Variants in ANKRD29 observed in about 807,000 individuals in gnomAD.
ANKRD29 encodes ankyrin repeat domain 29.
ANKRD29 carries 32 observed loss-of-function variants against 38.0 expected under a neutral mutation model. The ratio of observed to expected loss-of-function variants is 0.84; its 90% confidence interval spans 0.64 to 1.13. ANKRD29 has a LOEUF of 1.13. ANKRD29 is among the 50% of genes most tolerant of loss of function. The pLI is 0.00. For missense variants in ANKRD29, 357 were observed against 377.9 expected (o/e 0.94, Z 0.46); for synonymous variants, 135 against 152.4 (o/e 0.89, Z 0.84).
At chr18:23,650,133 T>C (rs1310549127) in intron 1 of ANKRD29, among the ~76,000 whole-genome samples, 1 of 151,944 alleles carries the variant, frequency 6.6e-6, no homozygotes, top group Non-Finnish European at 1.5e-5. Flanking sequence ...TATGGATCCT[T>C]CATTCCACTG....
intron 5 of ANKRD29, among the ~76,000 whole-genome samples, chr18:23,633,126 G>C (rs2059954961): frequency 6.6e-6 from 1 of 152,156 alleles, no homozygotes; most frequent in Non-Finnish European, 1.5e-5. Flanking sequence ...TTACAAAACT[G>C]GAGTAATGTT....
intron 1 of ANKRD29, among the ~76,000 whole-genome samples, chr18:23,656,192 G>T (rs1049453377): frequency 1.3e-5 from 2 of 151,906 alleles, no homozygotes; most frequent in African/African-American, 4.8e-5. Flanking sequence ...TTTGCTGGAG[G>T]CAAAGTGGTA....
rs1404145472 is a variant in ANKRD29, at chr18:23,649,463, G to C, written c.22-270C>G. On this transcript the variant is annotated intron_variant, in intron 1 of 9. Transcript: ENST00000592179. The stretch of plus-strand genomic sequence containing the variant: ...TTCCCACTAATGTTCTCACTTTCCT[G>C]CCTCTGTTGTGTTTTTGTTCACCCA... 4.5e-6 allele frequency: 3 copies of C among 661,054 alleles called. No individual in the cohort carries two copies. The East Asian group carries it at 9.0e-5, about 20-fold the overall frequency. 40.9% of individuals were successfully genotyped at this position (661,054 alleles called of 1,614,324 possible). A position where few individuals can be genotyped will look rare whatever the true frequency, so the allele number is the denominator to read the frequency against.
chr18:23,648,663 T>C, intron 2 of ANKRD29: 1 of 385,726 alleles, frequency 2.6e-6, no homozygotes, highest in Admixed American at 4.5e-5. Flanking sequence ...GATAAAATCC[T>C]GGGGGAGGCT....
intron 8 of ANKRD29, among the ~76,000 whole-genome samples, chr18:23,617,488 T>C (rs1226621863): frequency 6.6e-6 from 1 of 152,126 alleles, no homozygotes; most frequent in African/African-American, 2.4e-5. Flanking sequence ...GCTATTTCAT[T>C]ACTACTGTCG....
intron 4 of ANKRD29, among the ~76,000 whole-genome samples, chr18:23,635,832 C>G (rs921652221): frequency 6.6e-6 from 1 of 152,082 alleles, no homozygotes; most frequent in Non-Finnish European, 1.5e-5. Flanking sequence ...AGGCAGGTAA[C>G]ATCCTATGGG....
chr18:23,658,300 C>A (rs766600444), intron 1 of ANKRD29, among the ~76,000 whole-genome samples: 1 of 151,994 alleles, frequency 6.6e-6, no homozygotes, highest in Non-Finnish European at 1.5e-5. Flanking sequence ...CCCAGCTACT[C>A]GGGAGACTGA....
At chr18:23,624,766 T>C (rs1355481429) in intron 6 of ANKRD29, among the ~76,000 whole-genome samples, 2 of 152,166 alleles carry the variant, frequency 1.3e-5, no homozygotes, top group Admixed American at 6.6e-5. Context: ...CTGATTATCA[T>C]AGAAAGGATT....
chr18:23,645,435 C>T (rs1198178750), intron 3 of ANKRD29, among the ~76,000 whole-genome samples: 1 of 152,088 alleles, frequency 6.6e-6, no homozygotes, highest in African/African-American at 2.4e-5. Flanking sequence ...ATTAGCTGGG[C>T]GTGGTGGCAC....
In ANKRD29 at chr18:23,602,198, G is replaced by A. The variant is rs373459797; in HGVS notation, c.823-889C>T. Among the ~76,000 whole-genome samples the A allele has an allele frequency of 1.3e-3, 195 of 152,130 alleles. 2 individuals carry two copies. Among genetic ancestry groups the A allele is most frequent in the African/African-American group, 3.6e-3 (150 of 41,522 alleles). On this transcript the variant is annotated intron_variant, in intron 9 of 9. Coordinates refer to ENST00000592179, the MANE Select transcript of ANKRD29 (RefSeq NM_173505.4). ...ACTACAGGCATGTGCCACCATGCTC[G>A]GCTGAATTTTGTATTTTTAGTAGAG...
intron 8 of ANKRD29, among the ~76,000 whole-genome samples, chr18:23,617,027 T>C (rs908466548): frequency 1.3e-5 from 2 of 152,050 alleles, no homozygotes; most frequent in African/African-American, 2.4e-5. Context: ...AAGACCAGCC[T>C]GGCCAATATG....
chr18:23,625,002 G>A (rs1042649691), intron 6 of ANKRD29, among the ~76,000 whole-genome samples: 27 of 152,196 alleles, frequency 1.8e-4, no homozygotes, highest in African/African-American at 6.5e-4. Context: ...AGTATCTGAA[G>A]CGGCACTAGC....
intron 1 of ANKRD29, among the ~76,000 whole-genome samples, chr18:23,652,159 T>C (rs1235794810): frequency 6.6e-6 from 1 of 152,152 alleles, no homozygotes; most frequent in Non-Finnish European, 1.5e-5. Flanking sequence ...TGTCACCCTA[T>C]GGCCGGCACA....
rs191592566 is a variant in ANKRD29 at position 23,601,589 on chromosome 18, T to C, written c.823-280A>G. Among the ~76,000 whole-genome samples, 15 of 152,336 alleles carry C rather than the reference T, an allele frequency of 9.8e-5. No homozygotes were observed. In the East Asian group the frequency reaches 2.1e-3, roughly 22 times the overall value. On this transcript the variant is annotated intron_variant, in intron 9 of 9. Coordinates refer to ENST00000592179, the MANE Select transcript of ANKRD29 (RefSeq NM_173505.4). ...CAGATCTAATTAATCATTGTATCCTTATCTCCAGCACAATGCCCAGCATGT... is the reference window on the plus strand; with the variant it reads ...CAGATCTAATTAATCATTGTATCCTCATCTCCAGCACAATGCCCAGCATGT...
intron 9 of ANKRD29, among the ~76,000 whole-genome samples, chr18:23,610,533 G>A (rs1328905188): frequency 2.6e-5 from 4 of 152,138 alleles, no homozygotes; most frequent in African/African-American, 7.2e-5. Flanking sequence ...GGTGGCTTAT[G>A]CCTATAATAC....
rs2060383813 is a variant in ANKRD29 at position 23,662,736 on chromosome 18, C to A, written c.-6G>T. On this transcript the variant is annotated 5_prime_UTR_variant, in exon 1 of 10. Transcript: ENST00000592179. ...TTGAAGGACATCCTGCACATGTCCGCGGCCGCCCGAGCGGGAGCCGGCGCG... is the reference window on the plus strand; with the variant it reads ...TTGAAGGACATCCTGCACATGTCCGAGGCCGCCCGAGCGGGAGCCGGCGCG... The A allele has an allele frequency of 6.8e-7, 1 of 1,465,706 alleles. No individual in the cohort carries two copies. Among genetic ancestry groups the A allele is most frequent in the South Asian group, 1.3e-5 (1 of 76,576 alleles). 90.8% of individuals were successfully genotyped at this position (1,465,706 alleles called of 1,614,324 possible).
chr18:23,612,821 A>G (rs916821456), intron 8 of ANKRD29, among the ~76,000 whole-genome samples: 4 of 152,204 alleles, frequency 2.6e-5, no homozygotes, highest in African/African-American at 9.6e-5. Context: ...TATCAAAATA[A>G]GGAACCAGCT....
chr18:23,637,996 T>TC (rs1460819401), intron 4 of ANKRD29, among the ~76,000 whole-genome samples: 1 of 135,198 alleles, frequency 7.4e-6, no homozygotes, highest in Non-Finnish European at 1.6e-5. Context: ...AATTACTTCT[T>TC]TTTTTTTTTT....
At chr18:23,615,702 G>A (rs973993770) in intron 8 of ANKRD29, among the ~76,000 whole-genome samples, 4 of 151,900 alleles carry the variant, frequency 2.6e-5, no homozygotes, top group Non-Finnish European at 4.4e-5. Context: ...GTGAGCCACC[G>A]CACTGGGCCT....
Sources: gnomAD v4.1 joint callset for allele counts (sites outside exome capture counted in the v4.1 genomes callset) on GRCh38, gnomAD v4.1.1 for gene constraint, MANE v1.5 for transcripts, NCBI Gene and HGNC (gene_info 2026-07-23, HGNC 2026-07-21) for gene names.